The following ATP11A variants were observed in gnomAD, a reference collection of about 807,000 sequenced individuals.
The protein encoded by ATP11A is phospholipid-transporting ATPase IH.
Under a neutral mutation model 154.4 loss-of-function variants are expected in ATP11A, and 81 were observed. The ratio of observed to expected loss-of-function variants is 0.52; its 90% CI spans 0.44 to 0.63. ATP11A has a LOEUF of 0.63. Among genes scored for constraint, ATP11A ranks in the 30% least tolerant of loss-of-function variants. The pLI is 0.00. For missense variants in ATP11A, 1,316 were observed against 1,474.3 expected, an observed-to-expected ratio of 0.89 and a Z score of 1.76; for synonymous variants, 623 against 585.9, an observed-to-expected ratio of 1.06 and a Z score of -0.91.
intron 1 of ATP11A, among the ~76,000 whole-genome samples, chr13:112,740,156 A>ATATATCTC (rs1201223622): frequency 6.8e-6 from 1 of 146,688 alleles, no homozygotes; most frequent in African/African-American, 2.6e-5. Flanking sequence ...CTCTATATAT[A>ATATATCTC]TATATATATA....
At chr13:112,800,947 C>T (rs147794988) in intron 2 of ATP11A, among the ~76,000 whole-genome samples, 1 of 152,244 alleles carries the variant, frequency 6.6e-6, no homozygotes, top group Admixed American at 6.5e-5. Flanking sequence ...ATTCACTACC[C>T]ACTCATGTAC....
At chr13:112,703,415 G>T (rs543803344) in intron 1 of ATP11A, 5 of 152,356 alleles carry the variant, frequency 3.3e-5, no homozygotes, top group African/African-American at 1.2e-4. Flanking sequence ...TGAGATTTTT[G>T]AGGGGATCAC....
rs1342415992 is a variant in ATP11A, at chr13:112,754,279, CCT to C, written c.40-30855_40-30854del. ...GGACTGTTCACCTCTGCAATCTGCC[CCT>C]TAGTGCCTCGGCTGATTCTTGGTCT... On this transcript the variant is annotated intron_variant, in intron 1 of 29. Coordinates refer to ENST00000375645, the MANE Select transcript of ATP11A (RefSeq NM_015205.3). This position sits in a 1 kb window ranked among gnomAD's most constrained non-coding sequence, Gnocchi z 5.3. Among the ~76,000 whole-genome samples the C allele has an allele frequency of 2.0e-5, 3 of 152,270 alleles. No homozygotes were observed. The East Asian group carries it at 5.8e-4, about 29-fold the overall frequency.
chr13:112,789,337 T>C (rs1233841603), intron 2 of ATP11A, among the ~76,000 whole-genome samples: 1 of 150,192 alleles, frequency 6.7e-6, no homozygotes, highest in Non-Finnish European at 1.5e-5. Flanking sequence ...CCTACTTAAT[T>C]CACACCGAGT....
At chr13:112,844,168 G>A (rs1267352688) in intron 17 of ATP11A, among the ~76,000 whole-genome samples, 2 of 152,202 alleles carry the variant, frequency 1.3e-5, no homozygotes, top group African/African-American at 4.8e-5. Context: ...GCACACGATG[G>A]CTACAGGTCA....
At chr13:112,732,470 C>G (rs1181157401) in intron 1 of ATP11A, among the ~76,000 whole-genome samples, 3 of 151,734 alleles carry the variant, frequency 2.0e-5, no homozygotes, top group African/African-American at 7.3e-5. Flanking sequence ...CTGTCTCTCT[C>G]CAGCTCCATC....
At chr13:112,878,958 T>C (rs890345119) in intron 29 of ATP11A, among the ~76,000 whole-genome samples, 25 of 152,390 alleles carry the variant, frequency 1.6e-4, no homozygotes, top group Non-Finnish European at 2.9e-4. Context: ...CAAAAAAGCC[T>C]TCTATTAATA....
intron 17 of ATP11A, among the ~76,000 whole-genome samples, chr13:112,842,804 C>CG (rs2079461277): frequency 6.6e-6 from 1 of 152,254 alleles, no homozygotes; most frequent in Non-Finnish European, 1.5e-5. Context: ...GTTTGGGTTT[C>CG]TTTCCCCATC....
chr13:112,862,351 A>G (rs893597927), intron 24 of ATP11A, 89 bp from the exon 25 acceptor site: 1 of 1,510,778 alleles, frequency 6.6e-7, no homozygotes, highest in Non-Finnish European at 9.0e-7. Context: ...CCATGAAGAC[A>G]ACGTCCAGGG....
At chr13:112,878,542 C>G (rs991766985) in intron 29 of ATP11A, 1 of 580,360 alleles carries the variant, frequency 1.7e-6, no homozygotes, top group Non-Finnish European at 3.1e-6. Flanking sequence ...GTCCGTGCAG[C>G]CTCAGAACCC....
intron 11 of ATP11A, 105 bp downstream of exon 11, chr13:112,825,685 AG>A: frequency 7.4e-7 from 1 of 1,350,944 alleles, no homozygotes; most frequent in South Asian, 1.5e-5. Context: ...GTAGGCAAAA[AG>A]CAGCTTGATT....
At position 112,785,591 on chromosome 13, in the gene ATP11A, C is replaced by T. The variant is rs948381036; in HGVS notation, c.162+334C>T. Among the ~76,000 whole-genome samples the T allele has an allele frequency of 1.3e-5, 2 of 152,072 alleles. No individual in the cohort carries two copies. Among genetic ancestry groups the T allele is most frequent in the South Asian group, 2.1e-4 (1 of 4,818 alleles). Reference sequence around the variant, plus strand: ...CTGAGGCGCCTGGCCACGTGCTTGTCGTGGGCCACCCTGGCCAGAGTCTCA... The same window carrying T: ...CTGAGGCGCCTGGCCACGTGCTTGTTGTGGGCCACCCTGGCCAGAGTCTCA... On this transcript the variant is annotated intron_variant, in intron 2 of 29. Coordinates refer to ENST00000375645, the MANE Select transcript of ATP11A (RefSeq NM_015205.3). The surrounding 1 kb of genome is among the most constrained non-coding windows in gnomAD (Gnocchi z 4.8).
chr13:112,834,097 A>G lies in ATP11A; in HGVS notation c.1560-492A>G, dbSNP rs115009870. Among the ~76,000 whole-genome samples the G allele has an allele frequency of 4.2e-3, 633 of 152,314 alleles. 5 individuals carry two copies. The highest frequency in any genetic ancestry group is 0.015 in the African/African-American group (610 of 41,570). The stretch of plus-strand genomic sequence containing the variant: ...GACCCCCAGGCGTGCAGGAGGAGGC[A>G]TTGTATAGATGGGTGCACCCACGTG... On this transcript the variant is annotated intron_variant, in intron 14 of 29. Coordinates refer to ENST00000375645, the MANE Select transcript of ATP11A (RefSeq NM_015205.3).
chr13:112,785,693 G>T lies in ATP11A; in HGVS notation c.162+436G>T, dbSNP rs1446858163. Among the ~76,000 whole-genome samples the T allele has an allele frequency of 6.6e-6, 1 of 152,180 alleles. No homozygotes were observed. The highest frequency in any genetic ancestry group is 1.5e-5 in the Non-Finnish European group (1 of 68,038). Reference sequence around the variant, plus strand: ...ACGCAGGCTGGACAGCAAAACCTGGGGGGAAATCTTTGAGCTTGTTCACGA... The same window carrying T: ...ACGCAGGCTGGACAGCAAAACCTGGTGGGAAATCTTTGAGCTTGTTCACGA... On this transcript the variant is annotated intron_variant, in intron 2 of 29. Coordinates refer to ENST00000375645, the MANE Select transcript of ATP11A (RefSeq NM_015205.3). This position sits in a 1 kb window ranked among gnomAD's most constrained non-coding sequence, Gnocchi z 4.8.
chr13:112,802,277 CA>C (rs1037420492), intron 2 of ATP11A, among the ~76,000 whole-genome samples: 3 of 152,016 alleles, frequency 2.0e-5, no homozygotes, highest in East Asian at 3.9e-4. Flanking sequence ...ACCCAGGAGG[CA>C]GAGCTTGCGG....
At position 112,788,130 on chromosome 13, in the gene ATP11A, G is replaced by A. The variant is rs150204461; in HGVS notation, c.162+2873G>A. On this transcript the variant is annotated intron_variant, in intron 2 of 29. Coordinates refer to ENST00000375645, the MANE Select transcript of ATP11A (RefSeq NM_015205.3). The stretch of plus-strand genomic sequence containing the variant: ...TGTGTAGACCTACTTAATCCACACC[G>A]GGTGTCCTGATGTGTAGACCCCTGT... 8.0e-4 allele frequency among the ~76,000 whole-genome samples: 119 copies of A among 148,844 alleles called. 6 individuals carry two copies. The East Asian group carries it at 0.022, about 27-fold the overall frequency.
chr13:112,808,825 T>C (rs2140153079), intron 4 of ATP11A, among the ~76,000 whole-genome samples: 1 of 152,254 alleles, frequency 6.6e-6, no homozygotes, highest in South Asian at 2.1e-4. Context: ...CCTCCCCTGC[T>C]ATGTGCAGGG....
rs113421877 is a variant in ATP11A at position 112,755,367 on chromosome 13, C to T, written c.40-29768C>T. On this transcript the variant is annotated intron_variant, in intron 1 of 29. Transcript: ENST00000375645. ...CTGCCCAGCTTGGACAGTCTCTCTA[C>T]ACCCAGAGACCGGTTTTCCGCTTCT... Among the ~76,000 whole-genome samples, 155 of 152,298 alleles carry T rather than the reference C, an allele frequency of 1.0e-3. 2 individuals are homozygous for T. The highest frequency in any genetic ancestry group is 3.4e-3 in the African/African-American group (140 of 41,554).
chr13:112,792,506 G>A (rs957253644), intron 2 of ATP11A, among the ~76,000 whole-genome samples: 1 of 152,180 alleles, frequency 6.6e-6, no homozygotes, highest in Admixed American at 6.5e-5. Flanking sequence ...CAGCAAGTTT[G>A]CTTTTATGAA....
Sources: allele counts gnomAD v4.1 joint callset (sites outside exome capture counted in the v4.1 genomes callset), GRCh38; gene constraint gnomAD v4.1.1; non-coding constraint Gnocchi (gnomAD v3.1); transcripts MANE v1.5; gene names NCBI Gene and HGNC (gene_info 2026-07-23, HGNC 2026-07-21).